Variants in ATCAY observed in about 807,000 individuals in gnomAD.
ATCAY encodes caytaxin.
In ATCAY, 22 loss-of-function variants were observed where a neutral mutation model predicts 47.7. The observed-to-expected ratio is 0.46, with a 90% CI of 0.33 to 0.66. The LOEUF is 0.66. Among genes scored for constraint, ATCAY ranks in the 30% least tolerant of loss-of-function variants. The pLI, the probability that ATCAY is intolerant of heterozygous loss-of-function variation, is 0.02. For missense variants in ATCAY, 452 were observed against 515.0 expected, an observed-to-expected ratio of 0.88 and a Z score of 1.18; for synonymous variants, 216 against 207.6, an observed-to-expected ratio of 1.04 and a Z score of -0.35.
At chr19:3,908,641 C>T (rs1046748286) in intron 6 of ATCAY, among the ~76,000 whole-genome samples, 5 of 125,084 alleles carry the variant, frequency 4.0e-5, no homozygotes, top group Non-Finnish European at 6.4e-5. Context: ...TCCTCCTCCC[C>T]TTCTTCCTCC....
intron 12 of ATCAY, among the ~76,000 whole-genome samples, chr19:3,922,774 T>C (rs2039031778): frequency 6.6e-6 from 1 of 152,152 alleles, no homozygotes; most frequent in South Asian, 2.1e-4. Context: ...AGATGGAGTC[T>C]CGCTCTGTCG....
chr19:3,891,213 G>A (rs1032313025), intron 2 of ATCAY, among the ~76,000 whole-genome samples: 2 of 151,976 alleles, frequency 1.3e-5, no homozygotes, highest in Non-Finnish European at 2.9e-5. Context: ...CACCATGCCT[G>A]GCTCATTTTT....
chr19:3,901,852 G>A lies in ATCAY; in HGVS notation c.78-635G>A, dbSNP rs142495365. ...TCTACTAAAAATACAAAAATTAGCC[G>A]GGCATGGTAGCGGGCACCTGTAGTC... On this transcript the variant is annotated intron_variant, in intron 2 of 12. Transcript: ENST00000450849. Among the ~76,000 whole-genome samples, 7 of 152,060 alleles carry A rather than the reference G, an allele frequency of 4.6e-5. No homozygotes were observed. The East Asian group carries it at 1.2e-3, about 25-fold the overall frequency.
At chr19:3,919,334 C>T (rs1004011248) in intron 11 of ATCAY, among the ~76,000 whole-genome samples, 11 of 151,622 alleles carry the variant, frequency 7.3e-5, no homozygotes, top group African/African-American at 2.7e-4. Flanking sequence ...TGGCTCACGC[C>T]TGTAATCCCA....
rs368673244 is a variant in ATCAY at position 3,924,596 on chromosome 19, G to A, written c.*4G>A. 1.5e-5 allele frequency: 24 copies of A among 1,613,670 alleles called. No individual in the cohort carries two copies. The highest frequency in any genetic ancestry group is 1.7e-4 in the Middle Eastern group (1 of 6,060). The stretch of plus-strand genomic sequence containing the variant: ...TTCCCTCCCTAGCATGTCCTGAGGC[G>A]ACGTGAGCATAACAAAGGACATGGA... On this transcript the variant is annotated 3_prime_UTR_variant, in exon 13 of 13. Transcript: ENST00000450849.
In ATCAY at chr19:3,917,594, A is replaced by G. The variant is rs1599147141; in HGVS notation, c.966-148A>G. The G allele has an allele frequency of 1.6e-5, 14 of 871,560 alleles. No homozygotes were observed. In the East Asian group the frequency reaches 3.6e-4, roughly 22 times the overall value. 54.0% of individuals were successfully genotyped at this position (871,560 alleles called of 1,614,324 possible). On this transcript the variant is annotated intron_variant, in intron 9 of 12. Transcript: ENST00000450849. Reference sequence around the variant, plus strand: ...TGCAAGACTCCATCTCAAAAAAAAAAAAAAAAAAAAAAAAAAGGAAGAAGA... The same window carrying G: ...TGCAAGACTCCATCTCAAAAAAAAAGAAAAAAAAAAAAAAAAGGAAGAAGA...
At chr19:3,902,680 G>A in intron 3 of ATCAY, 135 bp downstream of exon 3, 2 of 981,782 alleles carry the variant, frequency 2.0e-6, no homozygotes. Flanking sequence ...GGTCTATGGT[G>A]GAAGTGGCCG....
chr19:3,921,673 G>A (rs2039021062), intron 12 of ATCAY, among the ~76,000 whole-genome samples: 1 of 152,068 alleles, frequency 6.6e-6, no homozygotes, highest in Non-Finnish European at 1.5e-5. Flanking sequence ...CGAGGCAGGT[G>A]GATCACTTGA....
At chr19:3,897,060 T>C (rs1433169185) in intron 2 of ATCAY, among the ~76,000 whole-genome samples, 1 of 151,968 alleles carries the variant, frequency 6.6e-6, no homozygotes, top group Non-Finnish European at 1.5e-5. Flanking sequence ...TACTGAGGCA[T>C]GAGCCACCAC....
chr19:3,887,781 C>T (rs927385407), intron 2 of ATCAY, among the ~76,000 whole-genome samples: 2 of 149,890 alleles, frequency 1.3e-5, no homozygotes, highest in African/African-American at 4.9e-5. Flanking sequence ...CCATCGCGCC[C>T]TACCACCTGT....
At position 3,907,164 on chromosome 19, in the gene ATCAY, G is replaced by A. The variant is rs1470591972; in HGVS notation, c.359-570G>A. Among the ~76,000 whole-genome samples the A allele has an allele frequency of 6.6e-6, 1 of 151,178 alleles. No homozygotes were observed. The highest frequency in any genetic ancestry group is 2.4e-5 in the African/African-American group (1 of 41,180). ...AAAAAGAAAGAAAAAAAAAAATTAA[G>A]GACAATGTAGTGGCTCATTCCTGTA... On this transcript the variant is annotated intron_variant, in intron 4 of 12. Transcript: ENST00000450849. This position sits in a 1 kb window ranked among gnomAD's most constrained non-coding sequence, Gnocchi z 5.1.
At chr19:3,915,717 ATTTTTTTT>A (rs58629412) in intron 9 of ATCAY, among the ~76,000 whole-genome samples, 3 of 108,924 alleles carry the variant, frequency 2.8e-5, no homozygotes, top group African/African-American at 1.1e-4. Context: ...TGCCCAGCTA[ATTTTTTTT>A]TTTTTTTTTT....
chr19:3,918,620 G>A (rs2038988413), intron 10 of ATCAY, among the ~76,000 whole-genome samples, 186 bp from the exon 11 acceptor site: 1 of 151,982 alleles, frequency 6.6e-6, no homozygotes. Flanking sequence ...GAGGGAAACA[G>A]AGGCAAATAA....
At position 3,909,510 on chromosome 19, in the gene ATCAY, C is replaced by G; in HGVS notation, c.672C>G (p.Leu224=). 3 of 1,613,772 alleles carry G rather than the reference C, an allele frequency of 1.9e-6. No individual in the cohort carries two copies. Among genetic ancestry groups the G allele is most frequent in the Non-Finnish European group, 2.5e-6 (3 of 1,179,824 alleles). The change falls in exon 7 of 13, where the codon CTC becomes CTG. Residue 224 remains leucine, a synonymous_variant. Coordinates refer to ENST00000450849, the MANE Select transcript of ATCAY (RefSeq NM_033064.5). ...LFLYVISSLE[L]LVAEDYMIVY... ...GGTACGTCATCAGCAGCTTAGAGCT[C>G]CTGGTGGCTGAGGACTACATGATCG...
intron 3 of ATCAY, among the ~76,000 whole-genome samples, chr19:3,904,032 A>G (rs997437806): frequency 7.2e-5 from 11 of 151,780 alleles, no homozygotes; most frequent in Non-Finnish European, 1.6e-4. Context: ...ACTTGCCTGT[A>G]ATCCCAGTCA....
At chr19:3,924,370 C>T (rs564025088) in intron 12 of ATCAY, among the ~76,000 whole-genome samples, 1 of 152,118 alleles carries the variant, frequency 6.6e-6, no homozygotes, top group Admixed American at 6.6e-5. Flanking sequence ...TCTCCAGGGC[C>T]TGTTCTGCTG....
intron 2 of ATCAY, among the ~76,000 whole-genome samples, chr19:3,900,082 A>G (rs1179256394): frequency 6.6e-6 from 1 of 152,134 alleles, no homozygotes; most frequent in Non-Finnish European, 1.5e-5. Flanking sequence ...GGTTATTGAT[A>G]ATCAACATTG....
chr19:3,912,570 A>G (rs1331415294), intron 8 of ATCAY, among the ~76,000 whole-genome samples: 1 of 151,916 alleles, frequency 6.6e-6, no homozygotes, highest in Non-Finnish European at 1.5e-5. Flanking sequence ...TTGGCCTCCC[A>G]AAGTGAAAAA....
chr19:3,911,536 AAT>A (rs1023984809), intron 8 of ATCAY, among the ~76,000 whole-genome samples: 2 of 149,474 alleles, frequency 1.3e-5, no homozygotes, highest in East Asian at 2.0e-4. Context: ...CTAAAAATAA[AAT>A]ATATATATAT....
Sources: allele counts gnomAD v4.1 joint callset (sites outside exome capture counted in the v4.1 genomes callset), GRCh38; gene constraint gnomAD v4.1.1; non-coding constraint Gnocchi (gnomAD v3.1); transcripts MANE v1.5; gene names NCBI Gene and HGNC (gene_info 2026-07-23, HGNC 2026-07-21).